The following IL1RAPL2 variants were observed in gnomAD, a reference collection of about 807,000 sequenced individuals.
IL1RAPL2 encodes the protein interleukin 1 receptor accessory protein like 2, also known as X-linked interleukin-1 receptor accessory protein-like 2.
Under a neutral mutation model 44.1 loss-of-function variants are expected in IL1RAPL2, and 3 were observed. The ratio of observed to expected loss-of-function variants is 0.07; its 90% CI spans 0.03 to 0.18. The LOEUF (loss-of-function observed/expected upper bound fraction) is 0.18, where lower values mean the gene tolerates loss of function less well. IL1RAPL2 is among the 10% of genes least tolerant of loss of function. The probability of loss-of-function intolerance (pLI) is 1.00; values close to 1 mark genes in which losing one functional copy is unlikely to be tolerated. For missense variants in IL1RAPL2, 391 were observed against 496.4 expected (o/e 0.79, Z 2.02); for synonymous variants, 181 against 178.8 (o/e 1.01, Z -0.10).
At chrX:105,026,350 G>A (rs1460112464) in intron 2 of IL1RAPL2, among the ~76,000 whole-genome samples, 1 of 110,213 alleles carries the variant, frequency 9.1e-6, no homozygotes, top group Non-Finnish European at 1.9e-5. Flanking sequence ...GCTCTAATGA[G>A]CATTTCCTTT....
intron 8 of IL1RAPL2, among the ~76,000 whole-genome samples, chrX:105,748,040 C>A (rs768987108): frequency 5.5e-4 from 61 of 111,476 alleles, no homozygotes; most frequent in African/African-American, 2.0e-3. Context: ...ATGGACATTG[C>A]TGAACTCACA....
intron 1 of IL1RAPL2, among the ~76,000 whole-genome samples, chrX:104,607,520 G>C (rs1278983653): frequency 1.8e-5 from 2 of 111,611 alleles, no homozygotes; most frequent in Non-Finnish European, 3.8e-5. Flanking sequence ...AATCTACAAA[G>C]AATTTAAACA....
chrX:104,615,669 A>T (rs150534970), intron 1 of IL1RAPL2, among the ~76,000 whole-genome samples: 3,157 of 111,686 alleles, frequency 0.028, 131 homozygotes, highest in African/African-American at 0.098. Flanking sequence ...GCTATTGTGA[A>T]TAGTGCTGCA....
rs561633736 is a variant in IL1RAPL2, at chrX:105,234,745, T to A, written c.543+741T>A. ...ACCACTTGAACATGGGAGGCAGAGG[T>A]TGCAGTGAGCCGAGATCATGTCACT... is the stretch of plus-strand genomic sequence containing the variant. On this transcript the variant is annotated intron_variant, in intron 4 of 10. Transcript: ENST00000372582. Among the ~76,000 whole-genome samples the A allele has an allele frequency of 5.6e-5, 6 of 106,960 alleles. No individual in the cohort carries two copies. In the South Asian group the frequency reaches 2.1e-3, roughly 38 times the overall value. 92.9% of individuals were successfully genotyped at this position (106,960 alleles called of 115,157 possible). A position where few individuals can be genotyped will look rare whatever the true frequency, so the allele number is the denominator to read the frequency against.
chrX:104,755,204 A>G (rs1376640077), intron 2 of IL1RAPL2, among the ~76,000 whole-genome samples: 1 of 110,673 alleles, frequency 9.0e-6, no homozygotes, highest in African/African-American at 3.3e-5. Flanking sequence ...TATCACAATA[A>G]TCTCTTCTAT....
chrX:105,384,685 T>C (rs184698893), intron 5 of IL1RAPL2, among the ~76,000 whole-genome samples: 22 of 111,382 alleles, frequency 2.0e-4, no homozygotes, highest in African/African-American at 6.8e-4. Context: ...ATTGAATCTG[T>C]AGACTGCTTT....
At chrX:104,756,735 A>G (rs754401493) in intron 2 of IL1RAPL2, among the ~76,000 whole-genome samples, 2 of 110,192 alleles carry the variant, frequency 1.8e-5, no homozygotes, top group African/African-American at 6.6e-5. Flanking sequence ...AAGGAGATTG[A>G]AGTGTATGGA....
At chrX:104,877,579 T>A (rs920882733) in intron 2 of IL1RAPL2, among the ~76,000 whole-genome samples, 1 of 112,646 alleles carries the variant, frequency 8.9e-6, no homozygotes, top group Non-Finnish European at 1.9e-5. Flanking sequence ...TGTCACTTTT[T>A]GGAAAACATT....
rs2034618286 is a variant in IL1RAPL2, at chrX:105,292,156, C to A, written c.697+24615C>A. Among the ~76,000 whole-genome samples, 4 of 111,630 alleles carry A rather than the reference C, an allele frequency of 3.6e-5. No individual in the cohort carries two copies. In the South Asian group the frequency reaches 1.5e-3, roughly 42 times the overall value. ...TAAAATGTATCAACATTTAGAACAT[C>A]CATATAACTCAATGAAGTAGTATTT... On this transcript the variant is annotated intron_variant, in intron 5 of 10. Coordinates refer to ENST00000372582, the MANE Select transcript of IL1RAPL2 (RefSeq NM_017416.2).
intron 4 of IL1RAPL2, among the ~76,000 whole-genome samples, chrX:105,248,562 T>A (rs1187178509): frequency 9.0e-6 from 1 of 111,548 alleles, no homozygotes; most frequent in Non-Finnish European, 1.9e-5. Context: ...GGGGCTTATA[T>A]GAAAATAAGA....
chrX:104,715,680 TA>T (rs774607456), intron 2 of IL1RAPL2, among the ~76,000 whole-genome samples: 203 of 98,797 alleles, frequency 2.1e-3, no homozygotes, highest in African/African-American at 5.0e-3. Flanking sequence ...TCACAATTGC[TA>T]AAAAAAAAAA....
intron 5 of IL1RAPL2, among the ~76,000 whole-genome samples, chrX:105,277,995 A>G (rs1179300952): frequency 2.7e-5 from 3 of 111,506 alleles, no homozygotes; most frequent in Non-Finnish European, 5.6e-5. Context: ...TATTGATGAC[A>G]ACCATGGAGA....
At chrX:105,336,070 G>A (rs1166316051) in intron 5 of IL1RAPL2, among the ~76,000 whole-genome samples, 2 of 111,824 alleles carry the variant, frequency 1.8e-5, no homozygotes, top group South Asian at 3.7e-4. Context: ...CTTCATAAAC[G>A]TTGAGACTGA....
At chrX:104,768,044 A>G (rs1324636837) in intron 2 of IL1RAPL2, among the ~76,000 whole-genome samples, 3 of 112,175 alleles carry the variant, frequency 2.7e-5, no homozygotes, top group African/African-American at 6.5e-5. Flanking sequence ...TTATATGTCA[A>G]TTAAAAGTAA....
intron 2 of IL1RAPL2, among the ~76,000 whole-genome samples, chrX:105,179,340 T>C: frequency 8.9e-6 from 1 of 112,339 alleles, no homozygotes; most frequent in South Asian, 3.7e-4. Flanking sequence ...TTCTGTTCCA[T>C]TGGTCTGTGT....
At chrX:105,640,309 A>G (rs2037554941) in intron 6 of IL1RAPL2, among the ~76,000 whole-genome samples, 1 of 109,444 alleles carries the variant, frequency 9.1e-6, no homozygotes, top group Non-Finnish European at 1.9e-5. Context: ...CCAGTCACAC[A>G]TTTACTTCCA....
intron 2 of IL1RAPL2, among the ~76,000 whole-genome samples, chrX:104,794,514 G>C (rs1017674074): frequency 9.0e-6 from 1 of 111,264 alleles, no homozygotes; most frequent in Non-Finnish European, 1.9e-5. Context: ...GACTCCTCAG[G>C]GAGGAAGATA....
intron 6 of IL1RAPL2, among the ~76,000 whole-genome samples, chrX:105,498,818 TC>T (rs1471249027): frequency 6.3e-5 from 7 of 111,239 alleles, no homozygotes; most frequent in African/African-American, 2.0e-4. Context: ...AAACCAAGGG[TC>T]CCCGATCCCT....
At chrX:105,143,867 A>G (rs2033151025) in intron 2 of IL1RAPL2, among the ~76,000 whole-genome samples, 1 of 110,410 alleles carries the variant, frequency 9.1e-6, no homozygotes, top group Admixed American at 9.7e-5. Flanking sequence ...GAGGGATAGC[A>G]TTAGGAGATA....
Sources: allele counts gnomAD v4.1 joint callset (sites outside exome capture counted in the v4.1 genomes callset), GRCh38; gene constraint gnomAD v4.1.1; transcripts MANE v1.5; gene names NCBI Gene and HGNC (gene_info 2026-07-23, HGNC 2026-07-21).